APP: variants seen among roughly 807,000 people sequenced by gnomAD.
APP encodes the protein amyloid-beta precursor protein.
A neutral mutation model predicts 101.4 loss-of-function variants in APP; 31 were observed. The ratio of observed to expected loss-of-function variants is 0.31; its 90% confidence interval spans 0.23 to 0.41. The LOEUF (loss-of-function observed/expected upper bound fraction) is 0.41, where lower values mean the gene tolerates loss of function less well. APP is among the 10% of genes least tolerant of loss of function. The pLI is 1.00. For missense variants in APP, 839 were observed against 1,003.7 expected (o/e 0.84, Z 2.22); for synonymous variants, 366 against 364.4 (o/e 1.00, Z -0.05).
At chr21:26,081,003 T>C (rs1197287631) in intron 3 of APP, among the ~76,000 whole-genome samples, 1 of 152,072 alleles carries the variant, frequency 6.6e-6, no homozygotes, top group Non-Finnish European at 1.5e-5. Flanking sequence ...TACCTAAAAG[T>C]CAAACTCATG....
intron 1 of APP, among the ~76,000 whole-genome samples, chr21:26,155,084 C>T (rs909060531): frequency 3.3e-5 from 5 of 152,136 alleles, no homozygotes; most frequent in African/African-American, 1.2e-4. Context: ...AATCTCATCC[C>T]TACCAAAAAT....
In APP at chr21:26,058,833, G is replaced by A. The variant is rs555513233; in HGVS notation, c.356-5485C>T. ...GCGGTGGCTCACGCCTGTAATCCCA[G>A]CACTTTGGGAGGCCGAGGCGGGCGG... On this transcript the variant is annotated intron_variant, in intron 3 of 17. Coordinates refer to ENST00000346798, the MANE Select transcript of APP (RefSeq NM_000484.4). Among the ~76,000 whole-genome samples, 4 of 152,306 alleles carry A rather than the reference G, an allele frequency of 2.6e-5. No homozygotes were observed. The South Asian group carries it at 8.3e-4, about 32-fold the overall frequency.
chr21:25,882,399 C>A (rs975881683), intron 17 of APP, among the ~76,000 whole-genome samples: 1 of 147,876 alleles, frequency 6.8e-6, no homozygotes, highest in Non-Finnish European at 1.5e-5. Context: ...AGGACGACGC[C>A]ATTCTAGATG....
intron 3 of APP, among the ~76,000 whole-genome samples, chr21:26,084,315 G>T (rs1387082081): frequency 1.1e-4 from 15 of 139,866 alleles, no homozygotes; most frequent in African/African-American, 2.4e-4. Flanking sequence ...CTCGGCTCAC[G>T]GCAAGCTCCG....
At chr21:25,972,458 T>C (rs760048079) in intron 11 of APP, among the ~76,000 whole-genome samples, 12 of 151,032 alleles carry the variant, frequency 7.9e-5, no homozygotes, top group Non-Finnish European at 1.6e-4. Flanking sequence ...CCAGCAAAAA[T>C]ATTTTTCAAA....
chr21:26,148,654 C>T (rs747562942), intron 1 of APP, among the ~76,000 whole-genome samples: 71 of 152,188 alleles, frequency 4.7e-4, no homozygotes, highest in Non-Finnish European at 8.8e-5. Context: ...CCTGGCCCAT[C>T]CCAGGAGGGA....
intron 5 of APP, among the ~76,000 whole-genome samples, chr21:26,039,841 T>C (rs1267295904): frequency 6.6e-6 from 1 of 152,028 alleles, no homozygotes; most frequent in East Asian, 1.9e-4. Context: ...TATAAATATA[T>C]AAAATGAATT....
At chr21:25,938,450 T>C (rs781377162) in intron 13 of APP, among the ~76,000 whole-genome samples, 3 of 151,934 alleles carry the variant, frequency 2.0e-5, no homozygotes, top group Non-Finnish European at 2.9e-5. Flanking sequence ...AAAATGACAA[T>C]GTCTGTCATC....
chr21:25,899,682 G>A (rs2038312322), intron 15 of APP, among the ~76,000 whole-genome samples: 2 of 152,100 alleles, frequency 1.3e-5, no homozygotes, highest in South Asian at 4.2e-4. Flanking sequence ...ACCACATGAC[G>A]GACACTGTGC....
chr21:26,137,529 C>G lies in APP; in HGVS notation c.58-25383G>C, dbSNP rs73896829. On this transcript the variant is annotated intron_variant, in intron 1 of 17. Coordinates refer to ENST00000346798, the MANE Select transcript of APP (RefSeq NM_000484.4). ...GTGGGTTGGGAGTGGATCAACGAGA[C>G]GGAGGTTTGCTCCTTCATTTAACAA... Among the ~76,000 whole-genome samples, 594 of 152,138 alleles carry G rather than the reference C, an allele frequency of 3.9e-3. 2 individuals are homozygous for G. The highest frequency in any genetic ancestry group is 0.014 in the African/African-American group (565 of 41,476).
At chr21:25,990,120 A>C (rs770187073) in intron 8 of APP, among the ~76,000 whole-genome samples, 19 of 152,198 alleles carry the variant, frequency 1.2e-4, no homozygotes, top group Non-Finnish European at 2.8e-4. Flanking sequence ...AGAAAAAACA[A>C]AGGCATTCTC....
intron 5 of APP, among the ~76,000 whole-genome samples, chr21:26,042,582 T>C (rs1031362877): frequency 6.6e-6 from 1 of 152,246 alleles, no homozygotes; most frequent in African/African-American, 2.4e-5. Flanking sequence ...CGTTTTATGA[T>C]GACTGCATTG....
intron 1 of APP, among the ~76,000 whole-genome samples, chr21:26,157,517 A>G (rs1255621766): frequency 6.6e-6 from 1 of 152,206 alleles, no homozygotes; most frequent in Non-Finnish European, 1.5e-5. Context: ...AACTATTGGA[A>G]CATATTTCAA....
chr21:26,006,779 G>A (rs953736905), intron 6 of APP, among the ~76,000 whole-genome samples: 5 of 152,120 alleles, frequency 3.3e-5, no homozygotes, highest in African/African-American at 9.7e-5. Flanking sequence ...TCAAATGTAC[G>A]ATAATTATAA....
intron 1 of APP, among the ~76,000 whole-genome samples, chr21:26,121,798 G>T (rs1182266447): frequency 6.6e-6 from 1 of 152,174 alleles, no homozygotes; most frequent in Admixed American, 6.5e-5. Flanking sequence ...ACAAGTAAGT[G>T]CAAACTTAAC....
At chr21:26,141,535 G>T (rs2063045719) in intron 1 of APP, among the ~76,000 whole-genome samples, 1 of 152,152 alleles carries the variant, frequency 6.6e-6, no homozygotes, top group African/African-American at 2.4e-5. Flanking sequence ...GAAGACAGAG[G>T]ATTAAGAAAT....
At chr21:25,889,061 G>A (rs1020035523) in intron 17 of APP, among the ~76,000 whole-genome samples, 2 of 152,214 alleles carry the variant, frequency 1.3e-5, no homozygotes, top group Non-Finnish European at 2.9e-5. Context: ...TCCAGGTGGA[G>A]GCCTTGCTTT....
chr21:26,033,419 T>C (rs1446968748), intron 5 of APP, among the ~76,000 whole-genome samples: 1 of 152,220 alleles, frequency 6.6e-6, no homozygotes, highest in Non-Finnish European at 1.5e-5. Flanking sequence ...TGCAGAACTG[T>C]GAGTCAATTA....
chr21:25,948,908 A>G (rs71327993), intron 13 of APP, among the ~76,000 whole-genome samples: 13,968 of 152,260 alleles, frequency 0.092, 814 homozygotes, highest in Non-Finnish European at 0.13. Context: ...AAATAATTAA[A>G]GCAGAATATG....
Sources: gnomAD v4.1 joint callset for allele counts (sites outside exome capture counted in the v4.1 genomes callset) on GRCh38, gnomAD v4.1.1 for gene constraint, MANE v1.5 for transcripts, NCBI Gene and HGNC (gene_info 2026-07-23, HGNC 2026-07-21) for gene names.